LACTBL1: variants seen among roughly 807,000 people sequenced by gnomAD.
The protein encoded by LACTBL1 is lactamase beta like 1, also known as beta-lactamase-like protein 1.
Under a neutral mutation model 39.6 loss-of-function variants are expected in LACTBL1, and 29 were observed. That is an observed-to-expected ratio of 0.73 (90% CI 0.55 to 1.00). The LOEUF (loss-of-function observed/expected upper bound fraction) is 1.00, where lower values mean the gene tolerates loss of function less well. Among genes scored for constraint, LACTBL1 ranks in the 50% least tolerant of loss-of-function variants. LACTBL1 has a pLI of 0.00. For missense variants in LACTBL1, 711 were observed against 748.5 expected (o/e 0.95, Z 0.59); for synonymous variants, 361 against 360.7 (o/e 1.00, Z -0.01).
chr1:22,970,748 C>T, the LACTBL1 span, among the ~76,000 whole-genome samples: 7 of 145,268 alleles, frequency 4.8e-5, no homozygotes, highest in South Asian at 4.7e-4. Flanking sequence ...AATTAGAGGC[C>T]GTAGTGAGCT....
chr1:22,963,274 G>A, intron 1 of LACTBL1, 58 bp from the exon 4 acceptor site: 3 of 1,017,406 alleles, frequency 2.9e-6, no homozygotes, highest in Non-Finnish European at 4.0e-6. Flanking sequence ...AATCTAGGGG[G>A]AAAGTGGCAG....
intron 2 of LACTBL1, among the ~76,000 whole-genome samples, chr1:22,960,433 T>C (rs1325422750): frequency 1.3e-5 from 2 of 151,894 alleles, no homozygotes; most frequent in African/African-American, 4.8e-5. Context: ...CTGGCCAACA[T>C]GGTGAAACCC....
intron 4 of LACTBL1, among the ~76,000 whole-genome samples, chr1:22,958,103 A>T (rs1640780472): frequency 6.6e-6 from 1 of 152,172 alleles, no homozygotes; most frequent in Admixed American, 6.5e-5. Context: ...TTGTTTACAA[A>T]TATAAACTTT....
rs188227552 is a variant in LACTBL1 at position 22,955,568 on chromosome 1, G to A, written c.554-142C>T. On this transcript the variant is annotated intron_variant, in intron 4 of 5. Coordinates refer to ENST00000426928, the Ensembl canonical transcript of LACTBL1. ...TTTTAAAAAAGAAAATCAGCCTAGC[G>A]TGGACTCCAGTCCTGCCTTCTCTTC... The A allele has an allele frequency of 7.1e-4, 440 of 621,804 alleles. 3 individuals are homozygous for A. The highest frequency in any genetic ancestry group is 6.4e-3 in the African/African-American group (353 of 54,772). 38.5% of individuals were successfully genotyped at this position (621,804 alleles called of 1,614,324 possible). A position where few individuals can be genotyped will look rare whatever the true frequency, so the allele number is the denominator to read the frequency against.
At chr1:22,966,047 C>T (rs1390866773), upstream of LACTBL1, among the ~76,000 whole-genome samples, 1 of 152,150 alleles carries the variant, frequency 6.6e-6, no homozygotes, top group Non-Finnish European at 1.5e-5. Flanking sequence ...TGTAAATATG[C>T]TATAACCACT....
intron 4 of LACTBL1, among the ~76,000 whole-genome samples, chr1:22,956,118 A>G (rs1319856295): frequency 6.6e-6 from 1 of 150,880 alleles, no homozygotes; most frequent in Admixed American, 6.6e-5. Flanking sequence ...CACACCTGTA[A>G]TCCCAGCACT....
upstream of LACTBL1, among the ~76,000 whole-genome samples, chr1:22,965,643 C>G (rs1640869491): frequency 6.6e-6 from 1 of 152,144 alleles, no homozygotes; most frequent in Non-Finnish European, 1.5e-5. Context: ...GCTTGCTGTA[C>G]CTTGTTCCCC....
intron 2 of LACTBL1, 138 bp downstream of exon 4, chr1:22,962,969 C>T (rs996429796): frequency 1.6e-5 from 7 of 433,846 alleles, no homozygotes; most frequent in African/African-American, 4.1e-5. Context: ...CATAGTGCCT[C>T]GCACAGAGTA....
At chr1:22,958,842 A>T in exon 4 of LACTBL1, 1 of 1,550,674 alleles carries the variant, frequency 6.4e-7, no homozygotes, top group East Asian at 2.4e-5. Flanking sequence ...CCAGAGGGTC[A>T]TCTAGGGAGG....
At chr1:22,972,268 T>C in the LACTBL1 span, 1 of 984,750 alleles carries the variant, frequency 1.0e-6, no homozygotes, top group Non-Finnish European at 1.2e-6. Flanking sequence ...TGTCAGAAGC[T>C]GACACATGGT....
At chr1:22,967,233 G>A (rs909379218), upstream of LACTBL1, among the ~76,000 whole-genome samples, 3 of 152,162 alleles carry the variant, frequency 2.0e-5, no homozygotes, top group African/African-American at 7.2e-5. Context: ...GCCAGGTATA[G>A]TGGTGTGTGC....
At chr1:22,953,671 C>G in exon 6 of LACTBL1, 1 of 1,274,182 alleles carries the variant, frequency 7.8e-7, no homozygotes. Flanking sequence ...GAAGTAGGCG[C>G]CCGGGCAGGC....
chr1:22,969,741 A>T (rs1451104189), upstream of LACTBL1, among the ~76,000 whole-genome samples: 1 of 151,908 alleles, frequency 6.6e-6, no homozygotes, highest in Non-Finnish European at 1.5e-5. Context: ...TCTTCCCTTA[A>T]CACCCATAGG....
At chr1:22,972,491 C>T in the LACTBL1 span, 44 of 946,388 alleles carry the variant, frequency 4.6e-5, 1 homozygote, top group African/African-American at 4.1e-4. Flanking sequence ...GACGAGGATG[C>T]GGGGGATCAA....
exon 3 of LACTBL1, chr1:22,960,073 C>A: frequency 6.4e-7 from 1 of 1,550,676 alleles, no homozygotes; most frequent in Non-Finnish European, 8.7e-7. Flanking sequence ...CTGGGGCAGA[C>A]ATTGCCTGGC....
At position 22,958,225 on chromosome 1, in the gene LACTBL1, A is replaced by G. The variant is rs551060082; in HGVS notation, c.553+460T>C. On this transcript the variant is annotated intron_variant, in intron 4 of 5. Coordinates refer to ENST00000426928, the Ensembl canonical transcript of LACTBL1. ...CTCAGCCTCCCGAGTAGCTAAGACT[A>G]CAAGTGTGTACCACCATGCCTGGGC... is the stretch of plus-strand genomic sequence containing the variant. Among the ~76,000 whole-genome samples, 5 of 152,244 alleles carry G rather than the reference A, an allele frequency of 3.3e-5. No individual in the cohort carries two copies. The South Asian group carries it at 1.0e-3, about 32-fold the overall frequency.
chr1:22,965,088 C>A (rs1249285317), intron 1 of LACTBL1, among the ~76,000 whole-genome samples: 2 of 152,146 alleles, frequency 1.3e-5, no homozygotes, highest in African/African-American at 4.8e-5. Context: ...ATTTTATACA[C>A]GAGGACATCG....
At chr1:22,955,290 A>T in intron 5 of LACTBL1, 31 bp downstream of exon 7, 3 of 1,516,782 alleles carry the variant, frequency 2.0e-6, no homozygotes, top group Non-Finnish European at 2.7e-6. Flanking sequence ...GGCTCCTAAC[A>T]TGAGGCTGGG....
chr1:22,958,695 G>C, exon 4 of LACTBL1: 1 of 1,546,168 alleles, frequency 6.5e-7, no homozygotes, highest in African/African-American at 1.4e-5. Context: ...CTGAGAGCTG[G>C]CTGGCCATCC....
Sources: allele counts gnomAD v4.1 joint callset (sites outside exome capture counted in the v4.1 genomes callset), GRCh38; gene constraint gnomAD v4.1.1; transcripts MANE v1.5; gene names NCBI Gene and HGNC (gene_info 2026-07-23, HGNC 2026-07-21).